Variants in DHX36 observed in about 807,000 individuals in gnomAD.
DHX36 encodes the protein ATP-dependent DNA/RNA helicase DHX36.
In DHX36, 50 loss-of-function variants were observed where a neutral mutation model predicts 139.0. That is an observed-to-expected ratio of 0.36 (90% CI 0.29 to 0.46). The LOEUF is 0.46. DHX36 is among the 20% of genes least tolerant of loss of function. The pLI is 1.00. For synonymous variants in DHX36, 425 were observed against 401.9 expected, an observed-to-expected ratio of 1.06 and a Z score of -0.69; for missense variants, 1,024 against 1,211.3, an observed-to-expected ratio of 0.85 and a Z score of 2.29.
In DHX36 at chr3:154,315,222, G is replaced by T; in HGVS notation, c.427C>A (p.Gln143Lys). 1.2e-6 allele frequency: 2 copies of T among 1,612,916 alleles called. 1 individual carries two copies. Among genetic ancestry groups the T allele is most frequent in the Non-Finnish European group, 1.7e-6 (2 of 1,179,572 alleles). ...TPCSENKLDI[Q>K]EKKLINQEKK... ...TCTTGATTTATCAACTTCTTTTCCT[G>T]GATGTCAAGTTTGTTCTCTGAGCAT... is the stretch of plus-strand genomic sequence containing the variant. The change falls in exon 3 of 25, where the codon CAG becomes AAG. Residue 143 changes from glutamine to lysine, a missense_variant. By Grantham distance (53) the Gln-to-Lys change is moderately conservative. This residue lies in a region of DHX36 where 293 missense variants were observed against 274.4 expected (regional missense o/e 1.07). Transcript: ENST00000496811.
intron 3 of DHX36, among the ~76,000 whole-genome samples, chr3:154,312,900 T>TATAAAAAA (rs1331669290): frequency 1.5e-5 from 1 of 67,590 alleles, no homozygotes; most frequent in Non-Finnish European, 2.8e-5. Flanking sequence ...TATATATATA[T>TATAAAAAA]AAAATAAATA....
intron 9 of DHX36, 88 bp downstream of exon 9, chr3:154,303,241 A>G: frequency 1.1e-6 from 1 of 916,636 alleles, no homozygotes; most frequent in South Asian, 1.7e-5. Context: ...GAAATAGTCA[A>G]TGATGGGTTT....
chr3:154,286,020 G>A (rs970106434), intron 17 of DHX36, among the ~76,000 whole-genome samples: 2 of 151,460 alleles, frequency 1.3e-5, no homozygotes, highest in Non-Finnish European at 2.9e-5. Context: ...TTTAATATTT[G>A]AAACATCAGT....
chr3:154,292,798 A>T, intron 14 of DHX36, 104 bp from the exon 15 acceptor site: 1 of 1,467,554 alleles, frequency 6.8e-7, no homozygotes, highest in Non-Finnish European at 9.0e-7. Context: ...ACCAATAAAT[A>T]GGTATTTCAG....
chr3:154,302,482 G>A (rs998761506), intron 9 of DHX36, among the ~76,000 whole-genome samples: 1 of 152,136 alleles, frequency 6.6e-6, no homozygotes, highest in Non-Finnish European at 1.5e-5. Context: ...AGAAATGTTA[G>A]GTTCAAGGCA....
rs892710451 is a variant in DHX36 at position 154,274,307 on chromosome 3, CCAAAAAA to C, written c.*1857_*1863del. 1.2e-4 allele frequency: 23 copies of C among 186,406 alleles called. No individual in the cohort carries two copies. Among genetic ancestry groups the C allele is most frequent in the Non-Finnish European group, 2.3e-4 (21 of 92,442 alleles). 11.5% of individuals were successfully genotyped at this position (186,406 alleles called of 1,614,324 possible). A position where few individuals can be genotyped will look rare whatever the true frequency, so the allele number is the denominator to read the frequency against. ...TGGGTGACAGGGCAAGACACTGTCT[CCAAAAAA>C]CAAAAAACAAAACAAAACAAAACAA... On this transcript the variant is annotated 3_prime_UTR_variant, in exon 25 of 25. Transcript: ENST00000496811.
intron 10 of DHX36, 57 bp from the exon 11 acceptor site, chr3:154,300,753 C>A: frequency 6.9e-7 from 1 of 1,449,276 alleles, no homozygotes; most frequent in Non-Finnish European, 9.6e-7. Flanking sequence ...TGTTAACTTG[C>A]TACAAAAGCT....
intron 19 of DHX36, 142 bp from the exon 20 acceptor site, chr3:154,283,413 G>C (rs368087119): frequency 4.4e-5 from 27 of 617,012 alleles, no homozygotes; most frequent in African/African-American, 2.8e-4. Flanking sequence ...TTTTATAACT[G>C]ATAAAACTAA....
intron 1 of DHX36, among the ~76,000 whole-genome samples, chr3:154,317,414 G>A (rs1209475551): frequency 6.6e-6 from 1 of 152,012 alleles, no homozygotes; most frequent in Non-Finnish European, 1.5e-5. Context: ...TGAAATCACA[G>A]AGACACAGGA....
chr3:154,312,412 G>C (rs1419829492), intron 3 of DHX36, among the ~76,000 whole-genome samples: 2 of 151,744 alleles, frequency 1.3e-5, no homozygotes, highest in Non-Finnish European at 2.9e-5. Context: ...AACTTTTATG[G>C]AACTCTATAC....
At chr3:154,283,482 G>A (rs1297771157) in intron 19 of DHX36, among the ~76,000 whole-genome samples, 1 of 151,954 alleles carries the variant, frequency 6.6e-6, no homozygotes, top group Non-Finnish European at 1.5e-5. Flanking sequence ...TGAAGTTCCA[G>A]ACCTTTATAC....
chr3:154,294,326 C>T (rs1156971544), intron 13 of DHX36, among the ~76,000 whole-genome samples: 4 of 151,986 alleles, frequency 2.6e-5, no homozygotes, highest in African/African-American at 7.2e-5. Flanking sequence ...TACTGCCCCA[C>T]AACCCGACAA....
intron 15 of DHX36, among the ~76,000 whole-genome samples, chr3:154,290,917 G>A (rs1711775471): frequency 1.3e-5 from 2 of 150,850 alleles, no homozygotes; most frequent in Non-Finnish European, 1.5e-5. Context: ...GGCGGATCAC[G>A]AGGTCAGGAG....
chr3:154,280,838 A>G lies in DHX36; in HGVS notation c.2401T>C (p.Phe801Leu). The G allele has an allele frequency of 6.2e-7, 1 of 1,613,476 alleles. No homozygotes were observed. The highest frequency in any genetic ancestry group is 8.5e-7 in the Non-Finnish European group (1 of 1,179,784). The change falls in exon 21 of 25, where the codon TTT becomes CTT. Residue 801 changes from phenylalanine to leucine, a missense_variant. By Grantham distance (22) the Phe-to-Leu change is conservative. This residue lies in a region of DHX36 where 470 missense variants were observed against 616.2 expected (regional missense o/e 0.76). Coordinates refer to ENST00000496811, the MANE Select transcript of DHX36 (RefSeq NM_020865.3). Reference sequence around the variant, plus strand: ...CCAGCTCCAAGAAGATGCTCAGCAAACTGTCCTTTCATGTTATGCAGCATC... The same window carrying G: ...CCAGCTCCAAGAAGATGCTCAGCAAGCTGTCCTTTCATGTTATGCAGCATC... ...LQMLHNMKGQ[F>L]AEHLLGAGFV... is the part of the protein sequence containing the mutation.
rs548385425 is a variant in DHX36 at position 154,303,370 on chromosome 3, C to T, written c.1176G>A (p.Pro392=). The T allele has an allele frequency of 8.1e-6, 13 of 1,606,752 alleles. No homozygotes were observed. The highest frequency in any genetic ancestry group is 5.4e-5 in the African/African-American group (4 of 74,630). ...PMIHIPGFTF[P]VVEYLLEDVI... The stretch of plus-strand genomic sequence containing the variant: ...CATCTTCCAAAAGATATTCCACAAC[C>T]GGAAAGGTAAAACCAGGTATATGTA... The change falls in exon 9 of 25, where the codon CCG becomes CCA. Residue 392 remains proline (P), a synonymous_variant. Transcript: ENST00000496811.
intron 9 of DHX36, 92 bp downstream of exon 9, chr3:154,303,237 G>T: frequency 3.4e-6 from 3 of 880,396 alleles, no homozygotes; most frequent in Non-Finnish European, 3.5e-6. Flanking sequence ...CAAGGAAATA[G>T]TCAATGATGG....
intron 22 of DHX36, chr3:154,279,132 T>A (rs1719252092): frequency 6.6e-6 from 1 of 152,216 alleles, no homozygotes. Flanking sequence ...TGTGAGCCAC[T>A]GTGCCTGGCC....
At chr3:154,292,059 G>A (rs1711843250) in intron 15 of DHX36, among the ~76,000 whole-genome samples, 1 of 152,114 alleles carries the variant, frequency 6.6e-6, no homozygotes, top group Non-Finnish European at 1.5e-5. Context: ...CAGAATGCCT[G>A]GATTCAAATC....
chr3:154,284,444 G>T, intron 19 of DHX36, 139 bp downstream of exon 19: 1 of 673,030 alleles, frequency 1.5e-6, no homozygotes, highest in Non-Finnish European at 2.4e-6. Flanking sequence ...GCCTCCCAAA[G>T]TGCTATGATT....
Sources: allele counts gnomAD v4.1 joint callset (sites outside exome capture counted in the v4.1 genomes callset), GRCh38; gene constraint gnomAD v4.1.1; regional missense constraint gnomAD v4.1.1; transcripts MANE v1.5; gene names NCBI Gene and HGNC (gene_info 2026-07-23, HGNC 2026-07-21).